KHDRBS2: variants seen among roughly 807,000 people sequenced by gnomAD.
The protein encoded by KHDRBS2 is KH domain-containing, RNA-binding, signal transduction-associated protein 2.
In KHDRBS2, 26 loss-of-function variants were observed where a neutral mutation model predicts 44.3. The ratio of observed to expected loss-of-function variants is 0.59; its 90% CI spans 0.43 to 0.81. KHDRBS2 has a LOEUF of 0.81. KHDRBS2 is among the 40% of genes least tolerant of loss of function. KHDRBS2 has a pLI of 0.00. For missense variants in KHDRBS2, 476 were observed against 433.1 expected, an observed-to-expected ratio of 1.10 and a Z score of -0.88; for synonymous variants, 194 against 151.1, an observed-to-expected ratio of 1.28 and a Z score of -2.08.
intron 5 of KHDRBS2, among the ~76,000 whole-genome samples, chr6:61,896,337 C>G (rs1279309385): frequency 6.6e-6 from 1 of 152,164 alleles, no homozygotes; most frequent in African/African-American, 2.4e-5. Context: ...TCGCTATACC[C>G]TTGAATAGTC....
the KHDRBS2 span, among the ~76,000 whole-genome samples, chr6:61,667,592 G>A: frequency 6.6e-6 from 1 of 151,280 alleles, no homozygotes; most frequent in Non-Finnish European, 1.5e-5. Flanking sequence ...GTAAAGCCTG[G>A]CTGCTTTTCT....
At chr6:62,186,249 C>T (rs138741972) in intron 1 of KHDRBS2, among the ~76,000 whole-genome samples, 44 of 152,172 alleles carry the variant, frequency 2.9e-4, no homozygotes, top group African/African-American at 1.1e-3. Flanking sequence ...TAGTTTAAAA[C>T]GGGAATAATA....
chr6:61,825,572 G>C (rs1264642816), intron 6 of KHDRBS2, among the ~76,000 whole-genome samples: 2 of 152,146 alleles, frequency 1.3e-5, no homozygotes, highest in Non-Finnish European at 2.9e-5. Flanking sequence ...AGTTAAGAGG[G>C]TTGTAAAAAT....
chr6:62,146,071 C>CCA (rs890409293), intron 2 of KHDRBS2, among the ~76,000 whole-genome samples: 11 of 151,852 alleles, frequency 7.2e-5, no homozygotes, highest in African/African-American at 2.2e-4. Context: ...AATAGTGAGA[C>CCA]CACTGTCTGT....
chr6:61,864,314 A>G (rs1797471217), intron 6 of KHDRBS2, among the ~76,000 whole-genome samples: 1 of 152,164 alleles, frequency 6.6e-6, no homozygotes, highest in Admixed American at 6.5e-5. Flanking sequence ...TGATCCTGTC[A>G]ACATGATGCA....
chr6:62,103,041 T>C (rs888564531), intron 2 of KHDRBS2, among the ~76,000 whole-genome samples: 3 of 151,960 alleles, frequency 2.0e-5, no homozygotes, highest in African/African-American at 7.3e-5. Context: ...TTTTATGAGC[T>C]CAAAATGGAG....
chr6:61,609,287 G>C, the KHDRBS2 span, among the ~76,000 whole-genome samples: 13 of 152,320 alleles, frequency 8.5e-5, no homozygotes, highest in Non-Finnish European at 1.5e-4. Context: ...AAACCCAGGA[G>C]GTGGATGTTG....
the KHDRBS2 span, among the ~76,000 whole-genome samples, chr6:61,589,753 G>T: frequency 6.6e-6 from 1 of 152,104 alleles, no homozygotes; most frequent in Non-Finnish European, 1.5e-5. Flanking sequence ...AAATTCATTT[G>T]CCAAAAAGAG....
At chr6:61,623,531 T>C in the KHDRBS2 span, among the ~76,000 whole-genome samples, 2 of 152,212 alleles carry the variant, frequency 1.3e-5, no homozygotes, top group Non-Finnish European at 2.9e-5. Flanking sequence ...CACTCAGTAT[T>C]ACTTATTAGA....
intron 2 of KHDRBS2, among the ~76,000 whole-genome samples, chr6:62,117,479 G>A (rs1321981921): frequency 6.6e-6 from 1 of 152,028 alleles, no homozygotes; most frequent in Non-Finnish European, 1.5e-5. Context: ...GATGTCGTTT[G>A]AGTTCCTTAA....
the KHDRBS2 span, among the ~76,000 whole-genome samples, chr6:61,571,807 C>T: frequency 2.0e-5 from 3 of 152,072 alleles, no homozygotes; most frequent in Admixed American, 1.3e-4. Flanking sequence ...AGACAGCATA[C>T]ATTGTACAAA....
intron 4 of KHDRBS2, among the ~76,000 whole-genome samples, chr6:61,942,114 C>CAT (rs1812252621): frequency 7.2e-6 from 1 of 139,276 alleles, no homozygotes; most frequent in Non-Finnish European, 1.6e-5. Flanking sequence ...GCACACCACA[C>CAT]CTACCCAATT....
At chr6:61,624,441 A>T in the KHDRBS2 span, among the ~76,000 whole-genome samples, 1 of 152,242 alleles carries the variant, frequency 6.6e-6, no homozygotes, top group African/African-American at 2.4e-5. Flanking sequence ...GATCACCCTC[A>T]CAGGGATAGA....
At chr6:62,087,745 C>A (rs913255913) in intron 2 of KHDRBS2, among the ~76,000 whole-genome samples, 2 of 152,128 alleles carry the variant, frequency 1.3e-5, no homozygotes, top group African/African-American at 4.8e-5. Flanking sequence ...GCCTGTCTTG[C>A]TAGGTTGGGG....
chr6:62,191,668 A>G (rs1246557436), intron 1 of KHDRBS2, among the ~76,000 whole-genome samples: 5 of 152,248 alleles, frequency 3.3e-5, no homozygotes, highest in Admixed American at 3.3e-4. Context: ...TTCTAGAAGA[A>G]TATCACTTGG....
chr6:61,869,846 C>T (rs564173525), intron 6 of KHDRBS2, among the ~76,000 whole-genome samples: 28 of 152,250 alleles, frequency 1.8e-4, no homozygotes, highest in African/African-American at 5.3e-4. Context: ...GCTTTTCCCA[C>T]GGTCTTCACA....
chr6:61,959,085 C>A (rs1325493882), intron 4 of KHDRBS2, among the ~76,000 whole-genome samples: 1 of 152,172 alleles, frequency 6.6e-6, no homozygotes, highest in Non-Finnish European at 1.5e-5. Context: ...CTATTGTCCA[C>A]AATGTTTAAA....
chr6:62,060,258 T>C (rs1029591037), intron 2 of KHDRBS2, among the ~76,000 whole-genome samples: 5 of 151,808 alleles, frequency 3.3e-5, no homozygotes. Context: ...AGCAATGTAG[T>C]TCAATTGAAG....
chr6:61,987,009 T>C (rs1775172184), intron 3 of KHDRBS2, among the ~76,000 whole-genome samples: 1 of 152,212 alleles, frequency 6.6e-6, no homozygotes, highest in African/African-American at 2.4e-5. Flanking sequence ...GTAAGGTTAT[T>C]ATCTACAATA....
Sources: gnomAD v4.1 joint callset for allele counts (sites outside exome capture counted in the v4.1 genomes callset) on GRCh38, gnomAD v4.1.1 for gene constraint, MANE v1.5 for transcripts, NCBI Gene and HGNC (gene_info 2026-07-23, HGNC 2026-07-21) for gene names.